The following GRIP2 variants were observed in gnomAD, a reference collection of about 807,000 sequenced individuals.
GRIP2 encodes the protein glutamate receptor interacting protein 2, also known as glutamate receptor-interacting protein 2.
A neutral mutation model predicts 108.3 loss-of-function variants in GRIP2; 58 were observed. The ratio of observed to expected loss-of-function variants is 0.54; its 90% CI spans 0.43 to 0.67. The LOEUF is 0.67. Ranked by LOEUF, GRIP2 falls within the 30% of genes least tolerant of loss-of-function variation. The pLI is 0.00. For missense variants in GRIP2, 1,278 were observed against 1,430.6 expected (o/e 0.89, Z 1.72); for synonymous variants, 586 against 598.2 (o/e 0.98, Z 0.30).
upstream of GRIP2, chr3:14,540,506 G>T: frequency 7.7e-7 from 1 of 1,296,566 alleles, no homozygotes; most frequent in Non-Finnish European, 1.0e-6. This position sits in a 1 kb window ranked among gnomAD's most constrained non-coding sequence, Gnocchi z 4.1. Flanking sequence ...CCAGGACAGG[G>T]TCCAACATGC....
the GRIP2 span, among the ~76,000 whole-genome samples, chr3:14,584,617 T>G: frequency 1.3e-5 from 2 of 152,166 alleles, no homozygotes; most frequent in African/African-American, 4.8e-5. Flanking sequence ...GACCGCGGAC[T>G]ATGGGCGGAG....
intron 21 of GRIP2, among the ~76,000 whole-genome samples, chr3:14,499,082 C>T (rs902021010): frequency 1.1e-4 from 16 of 152,178 alleles, no homozygotes; most frequent in African/African-American, 3.6e-4. Flanking sequence ...CTTGAACAGG[C>T]GGGGAGGGGG....
intron 21 of GRIP2, among the ~76,000 whole-genome samples, chr3:14,502,810 T>A (rs903554779): frequency 6.6e-6 from 1 of 151,458 alleles, no homozygotes; most frequent in Non-Finnish European, 1.5e-5. Flanking sequence ...AACAAATGAA[T>A]AAAATAGAAA....
At chr3:14,550,648 C>T (rs1290883699) in intron 1 of GRIP2, among the ~76,000 whole-genome samples, 2 of 152,198 alleles carry the variant, frequency 1.3e-5, no homozygotes, top group Non-Finnish European at 1.5e-5. Context: ...TGTGGGGCTG[C>T]GGGAGGAGTA....
chr3:14,524,271 A>G (rs1407012737), intron 4 of GRIP2, 122 bp downstream of exon 4: 3 of 1,159,040 alleles, frequency 2.6e-6, no homozygotes, highest in South Asian at 3.1e-5. Flanking sequence ...GCTTGTGGCC[A>G]GTCTCCAGGT....
chr3:14,587,551 A>C, the GRIP2 span, among the ~76,000 whole-genome samples: 1 of 151,668 alleles, frequency 6.6e-6, no homozygotes, highest in South Asian at 2.1e-4. Context: ...AGGCAGGAGA[A>C]TCGCTTGAAC....
At chr3:14,494,745 T>G in intron 23 of GRIP2, 98 bp downstream of exon 23, 1 of 1,419,762 alleles carries the variant, frequency 7.0e-7, no homozygotes, top group Non-Finnish European at 9.4e-7. Context: ...ACTTGCATTG[T>G]CCTGCCCTCT....
At chr3:14,504,880 G>T (rs191180067) in intron 20 of GRIP2, among the ~76,000 whole-genome samples, 2 of 152,018 alleles carry the variant, frequency 1.3e-5, no homozygotes, top group Non-Finnish European at 2.9e-5. Flanking sequence ...GGGGCCACGC[G>T]TGGAGCTGGG....
the GRIP2 span, among the ~76,000 whole-genome samples, chr3:14,581,353 A>T: frequency 6.6e-6 from 1 of 152,054 alleles, no homozygotes; most frequent in Non-Finnish European, 1.5e-5. Flanking sequence ...TGTCCATGTG[A>T]TTTCCTGGCT....
chr3:14,589,051 T>C, the GRIP2 span, among the ~76,000 whole-genome samples: 1 of 152,184 alleles, frequency 6.6e-6, no homozygotes, highest in Admixed American at 6.5e-5. Context: ...AGCAAAACCA[T>C]CTCAAGTCTT....
the GRIP2 span, among the ~76,000 whole-genome samples, chr3:14,575,085 G>A: frequency 2.0e-5 from 3 of 152,140 alleles, no homozygotes; most frequent in African/African-American, 7.2e-5. Flanking sequence ...GAGCCCATGT[G>A]GCAGGGTGGG....
At chr3:14,518,653 G>A (rs991125008) in intron 9 of GRIP2, among the ~76,000 whole-genome samples, 7 of 152,200 alleles carry the variant, frequency 4.6e-5, no homozygotes, top group Non-Finnish European at 7.3e-5. Context: ...TTGCGCGGAT[G>A]GACAGGTGAG....
chr3:14,528,559 A>G (rs1467633853), intron 1 of GRIP2, among the ~76,000 whole-genome samples: 1 of 152,186 alleles, frequency 6.6e-6, no homozygotes, highest in Non-Finnish European at 1.5e-5. Context: ...GTTAGGGTTT[A>G]AACGAAAAAA....
chr3:14,509,944 C>T lies in GRIP2; in HGVS notation c.1954G>A (p.Ala652Thr), dbSNP rs1270571570. Residue 652 changes from alanine (A) to threonine (T), a missense_variant, in exon 17 of 24, where the codon GCC becomes ACC. Transcript: ENST00000621039. ...DNSDELETTG[A>T]VSYTVELKRY... ...TTCAGCTCCACTGTGTAACTGACGG[C>T]ACCTGTGGTCTCCAGCTCATCTGCA... 2 of 1,527,242 alleles carry T rather than the reference C, an allele frequency of 1.3e-6. No individual in the cohort carries two copies. The highest frequency in any genetic ancestry group is 8.8e-7 in the Non-Finnish European group (1 of 1,133,530). 94.6% of individuals were successfully genotyped at this position (1,527,242 alleles called of 1,614,324 possible). A position where few individuals can be genotyped will look rare whatever the true frequency, so the allele number is the denominator to read the frequency against.
chr3:14,493,944 G>T, intron 23 of GRIP2, 118 bp from the exon 24 acceptor site: 2 of 961,562 alleles, frequency 2.1e-6, no homozygotes, highest in South Asian at 3.5e-5. Flanking sequence ...CGCAAGCCCT[G>T]ACATCACCAG....
At chr3:14,573,720 C>T in the GRIP2 span, 1 of 1,430,546 alleles carries the variant, frequency 7.0e-7, no homozygotes, top group Non-Finnish European at 9.8e-7. Flanking sequence ...GTCTTCTGGC[C>T]ACTCACGGGG....
Position 14,517,157 on chromosome 3 carries a change from T to A in GRIP2, c.1213A>T (p.Asn405Tyr), listed in dbSNP as rs1465577390. The change falls in exon 11 of 24, where the codon AAC becomes TAC. Residue 405 changes from asparagine (N) to tyrosine (Y), a missense_variant. By Grantham distance (143) the Asn-to-Tyr change is moderately radical. Coordinates refer to ENST00000621039, the MANE Select transcript of GRIP2 (RefSeq NM_001080423.4). ...PTLNHAFSCN[N>Y]PSTLPRGSQP... ...GATCCACGGGGAAGGGTGCTGGGGT[T>A]GTTGCAGGAAAAGGCGTGGTTCAAG... is the stretch of plus-strand genomic sequence containing the variant. 1 of 1,608,938 alleles carries A rather than the reference T, an allele frequency of 6.2e-7. No individual in the cohort carries two copies. The highest frequency in any genetic ancestry group is 2.3e-5 in the East Asian group (1 of 44,282).
chr3:14,574,376 G>A, the GRIP2 span: 1 of 911,266 alleles, frequency 1.1e-6, no homozygotes, highest in Non-Finnish European at 1.8e-6. Flanking sequence ...GCGGCCCCGC[G>A]GTGCTCACCA....
the GRIP2 span, among the ~76,000 whole-genome samples, chr3:14,568,662 C>T: frequency 6.6e-6 from 1 of 152,182 alleles, no homozygotes; most frequent in Non-Finnish European, 1.5e-5. Context: ...AGCTACAGAG[C>T]AAAACTGGGA....
Sources: gnomAD v4.1 joint callset for allele counts (sites outside exome capture counted in the v4.1 genomes callset) on GRCh38, gnomAD v4.1.1 for gene constraint, Gnocchi (gnomAD v3.1) non-coding constraint, MANE v1.5 for transcripts, NCBI Gene and HGNC (gene_info 2026-07-23, HGNC 2026-07-21) for gene names.